Variants in ASIC2 observed in about 807,000 individuals in gnomAD.
ASIC2 encodes the protein acid-sensing ion channel 2.
Under a neutral mutation model 57.3 loss-of-function variants are expected in ASIC2, and 25 were observed. The observed-to-expected ratio is 0.44, with a 90% CI of 0.32 to 0.61. The LOEUF (loss-of-function observed/expected upper bound fraction) is 0.61. Ranked by LOEUF, ASIC2 falls within the 20% of genes least tolerant of loss-of-function variation. The pLI, the probability that ASIC2 is intolerant of heterozygous loss-of-function variation, is 0.06. For synonymous variants in ASIC2, 319 were observed against 307.5 expected (o/e 1.04, Z -0.39); for missense variants, 641 against 738.1 (o/e 0.87, Z 1.52).
At chr17:33,632,548 G>A (rs949986552) in intron 1 of ASIC2, among the ~76,000 whole-genome samples, 1 of 152,058 alleles carries the variant, frequency 6.6e-6, no homozygotes, top group Non-Finnish European at 1.5e-5. Flanking sequence ...CCTGGAAGCT[G>A]CTTTTCCCAG....
At chr17:33,367,051 G>T (rs1451798951) in intron 1 of ASIC2, among the ~76,000 whole-genome samples, 3 of 152,252 alleles carry the variant, frequency 2.0e-5, no homozygotes, top group African/African-American at 7.2e-5. Flanking sequence ...GACAAAGGGT[G>T]TGTACCAGGC....
At chr17:33,803,586 CTTT>C (rs961357779) in intron 1 of ASIC2, among the ~76,000 whole-genome samples, 18 of 96,874 alleles carry the variant, frequency 1.9e-4, no homozygotes, top group African/African-American at 5.7e-4. Context: ...TTTCCCTTTT[CTTT>C]TTTTTTTTTT....
intron 1 of ASIC2, among the ~76,000 whole-genome samples, chr17:33,853,986 T>C (rs986499786): frequency 1.2e-4 from 19 of 152,232 alleles, no homozygotes; most frequent in African/African-American, 4.6e-4. Context: ...AAAAAGTTGA[T>C]ACATTTGCCC....
chr17:33,990,764 C>A (rs1007385748), intron 1 of ASIC2, among the ~76,000 whole-genome samples: 2 of 152,008 alleles, frequency 1.3e-5, no homozygotes, highest in Non-Finnish European at 2.9e-5. Flanking sequence ...AAGGGTGCAC[C>A]AAGGAGGGAG....
chr17:34,099,150 GAGAGAGAGAGAGAGAAAGAAAGAA>G (rs1910683415), intron 1 of ASIC2, among the ~76,000 whole-genome samples: 12 of 23,236 alleles, frequency 5.2e-4, no homozygotes, highest in African/African-American at 1.5e-3. Flanking sequence ...GAGAGACAGA[GAGAGAGAGAGAGAGAAAGAAAGAA>G]AGAAAGAAAG....
intron 1 of ASIC2, among the ~76,000 whole-genome samples, chr17:33,873,517 A>G (rs2141933498): frequency 6.6e-6 from 1 of 152,334 alleles, no homozygotes; most frequent in African/African-American, 2.4e-5. Context: ...ATTTGGGATC[A>G]TTCTTGAGGC....
chr17:33,901,706 G>T (rs1021818046), intron 1 of ASIC2, among the ~76,000 whole-genome samples: 5 of 152,160 alleles, frequency 3.3e-5, no homozygotes, highest in African/African-American at 1.2e-4. Context: ...TTCTAAAGGT[G>T]TAGAATTCTG....
intron 3 of ASIC2, among the ~76,000 whole-genome samples, chr17:33,040,733 T>G (rs1458015546): frequency 6.6e-6 from 1 of 152,212 alleles, no homozygotes; most frequent in East Asian, 1.9e-4. Context: ...AAAAGTCTCC[T>G]TTGCAGTCTG....
chr17:33,489,158 CT>C (rs138771508), intron 1 of ASIC2, among the ~76,000 whole-genome samples: 2,455 of 152,250 alleles, frequency 0.016, 69 homozygotes, highest in African/African-American at 0.056. Context: ...ACATGGGCAT[CT>C]TGGTTTGGCA....
At chr17:33,799,416 TTTCTTTCTTTC>T (rs1187267003) in intron 1 of ASIC2, among the ~76,000 whole-genome samples, 110 of 69,314 alleles carry the variant, frequency 1.6e-3, no homozygotes, top group African/African-American at 3.7e-3. Flanking sequence ...TCTTTCTTTC[TTTCTTTCTTTC>T]TTCTTTCTTT....
chr17:33,282,030 T>A lies in ASIC2; in HGVS notation c.708+9378A>T, dbSNP rs375137795. Among the ~76,000 whole-genome samples the A allele has an allele frequency of 3.3e-4, 50 of 152,356 alleles. 3 individuals are homozygous for A. Among genetic ancestry groups the A allele is most frequent in the East Asian group, 2.7e-3 (14 of 5,192 alleles). On this transcript the variant is annotated intron_variant, in intron 1 of 9. Coordinates refer to ENST00000225823, the MANE Select transcript of ASIC2 (RefSeq NM_183377.2). ...CAAGCTATTTCTGAAACTAGATGCA[T>A]GTTTGTTACAAATTCTTTCATTTTT...
At chr17:33,316,337 C>A (rs1192393510) in intron 1 of ASIC2, among the ~76,000 whole-genome samples, 4 of 152,178 alleles carry the variant, frequency 2.6e-5, no homozygotes, top group African/African-American at 7.2e-5. Flanking sequence ...GATCTCTTCA[C>A]CCCAACTCTC....
chr17:33,844,774 A>G (rs908311749), intron 1 of ASIC2, among the ~76,000 whole-genome samples: 1 of 152,242 alleles, frequency 6.6e-6, no homozygotes, highest in African/African-American at 2.4e-5. Flanking sequence ...TAGTGATTGC[A>G]AATATCAGAT....
At position 33,028,308 on chromosome 17, in the gene ASIC2, A is replaced by G; in HGVS notation, c.1072T>C (p.Cys358Arg). The change falls in exon 4 of 10, where the codon TGT (cysteine) becomes CGT (arginine). Residue 358 changes from cysteine to arginine, a missense_variant. By Grantham distance (180) the Cys-to-Arg change is radical. Coordinates refer to ENST00000225823, the MANE Select transcript of ASIC2 (RefSeq NM_183377.2). ...DFFPVYSITA[C>R]RIDCETRYIV... is the part of the protein sequence containing the mutation. ...TAGCGGGTCTCACAGTCAATCCTAC[A>G]GGCGGTGATGCTGTAAACAGGAAAA... 6.2e-7 allele frequency: 1 copy of G among 1,614,170 alleles called. No individual in the cohort carries two copies. Among genetic ancestry groups the G allele is most frequent in the Non-Finnish European group, 8.5e-7 (1 of 1,180,032 alleles).
intron 1 of ASIC2, among the ~76,000 whole-genome samples, chr17:33,823,603 C>T (rs1457478887): frequency 6.6e-6 from 1 of 152,150 alleles, no homozygotes; most frequent in African/African-American, 2.4e-5. Flanking sequence ...TAGTATCGGC[C>T]ACACTTCTTT....
intron 1 of ASIC2, among the ~76,000 whole-genome samples, chr17:33,459,869 T>C (rs1912578003): frequency 6.6e-6 from 1 of 152,190 alleles, no homozygotes; most frequent in Non-Finnish European, 1.5e-5. Flanking sequence ...TTGTCTCTAG[T>C]GAATGGAGCG....
chr17:33,679,024 T>C (rs1043953442), intron 1 of ASIC2, among the ~76,000 whole-genome samples: 1 of 152,178 alleles, frequency 6.6e-6, no homozygotes, highest in African/African-American at 2.4e-5. Context: ...GCAAGGTGAC[T>C]TTGGGTTTAG....
At chr17:33,393,997 T>C (rs1463213885) in intron 1 of ASIC2, among the ~76,000 whole-genome samples, 2 of 152,244 alleles carry the variant, frequency 1.3e-5, no homozygotes, top group Non-Finnish European at 1.5e-5. Flanking sequence ...AAAGTGGGGA[T>C]TAAATATGGA....
At chr17:33,821,595 T>G (rs574277620) in intron 1 of ASIC2, among the ~76,000 whole-genome samples, 1 of 152,318 alleles carries the variant, frequency 6.6e-6, no homozygotes, top group Admixed American at 6.5e-5. Context: ...AAGGAACAGA[T>G]GAGCCAGCCT....
Sources: gnomAD v4.1 joint callset for allele counts (sites outside exome capture counted in the v4.1 genomes callset) on GRCh38, gnomAD v4.1.1 for gene constraint, MANE v1.5 for transcripts, NCBI Gene and HGNC (gene_info 2026-07-23, HGNC 2026-07-21) for gene names.